The following RCOR3 variants were observed in gnomAD, a reference collection of about 807,000 sequenced individuals.
RCOR3 encodes the protein REST corepressor 3.
RCOR3 carries 13 observed loss-of-function variants against 64.1 expected under a neutral mutation model. The observed-to-expected ratio is 0.20, with a 90% confidence interval of 0.13 to 0.32. RCOR3 has a LOEUF of 0.32. Among genes scored for constraint, RCOR3 ranks in the 10% least tolerant of loss-of-function variants. RCOR3 has a pLI of 1.00. For synonymous variants in RCOR3, 215 were observed against 239.0 expected (o/e 0.90, Z 0.93); for missense variants, 489 against 701.2 (o/e 0.70, Z 3.42).
chr1:211,259,817 C>T (rs1435604833), intron 1 of RCOR3, 91 bp downstream of exon 1: 11 of 1,222,120 alleles, frequency 9.0e-6, no homozygotes, highest in Non-Finnish European at 1.2e-5. Flanking sequence ...CTCCCGCCCT[C>T]CCTCCCCTCA....
intron 2 of RCOR3, among the ~76,000 whole-genome samples, chr1:211,263,428 AATTT>A (rs149630167): frequency 0.44 from 43,643 of 98,902 alleles, 7,965 homozygotes; most frequent in East Asian, 0.69. Flanking sequence ...TCATATTTTC[AATTT>A]ATTTACTCAG....
intron 10 of RCOR3, among the ~76,000 whole-genome samples, chr1:211,308,493 T>A (rs1220019332): frequency 6.6e-6 from 1 of 152,092 alleles, no homozygotes; most frequent in East Asian, 1.9e-4. Context: ...AGTTTCTAGA[T>A]GTTATTGTAT....
chr1:211,280,183 C>CCTA (rs1283693520), intron 7 of RCOR3, among the ~76,000 whole-genome samples: 1 of 152,180 alleles, frequency 6.6e-6, no homozygotes, highest in Non-Finnish European at 1.5e-5. Context: ...TTCTTCCCTT[C>CCTA]CTACACATTG....
intron 3 of RCOR3, among the ~76,000 whole-genome samples, chr1:211,272,796 T>C (rs1357438649): frequency 1.3e-5 from 2 of 150,906 alleles, no homozygotes; most frequent in Non-Finnish European, 3.0e-5. Context: ...TAATTTTTTG[T>C]ATTTTTAGTA....
At chr1:211,308,667 T>TTTTTG (rs1701129478) in intron 10 of RCOR3, among the ~76,000 whole-genome samples, 2 of 25,456 alleles carry the variant, frequency 7.9e-5, no homozygotes, top group African/African-American at 1.8e-4. Flanking sequence ...ATGTGTTTTT[T>TTTTTG]TTTTTGTTTT....
intron 2 of RCOR3, among the ~76,000 whole-genome samples, chr1:211,268,369 CTTTTTTTTTTTTTT>C (rs756643084): frequency 3.8e-5 from 3 of 79,360 alleles, no homozygotes; most frequent in Admixed American, 1.6e-4. Flanking sequence ...TCTTTTCTTT[CTTTTTTTTTTTTTT>C]TTTTTTTTTT....
chr1:211,308,687 T>TTTTTTTTTTTTTTTTTTTTG (rs1701159946), intron 10 of RCOR3, among the ~76,000 whole-genome samples: 1 of 64,804 alleles, frequency 1.5e-5, no homozygotes, highest in African/African-American at 5.1e-5. Flanking sequence ...TTTTTTTGTT[T>TTTTTTTTTTTTTTTTTTTTG]TTTTTTTTTT....
At chr1:211,270,262 T>C (rs536685859) in intron 2 of RCOR3, among the ~76,000 whole-genome samples, 74 of 152,082 alleles carry the variant, frequency 4.9e-4, no homozygotes, top group African/African-American at 1.6e-3. Context: ...GGGATTTCAC[T>C]ATGTAGGCCA....
chr1:211,259,541 T>C lies in RCOR3; in HGVS notation c.-20T>C, dbSNP rs1693794954. The C allele has an allele frequency of 2.6e-6, 4 of 1,539,710 alleles. No individual in the cohort carries two copies. In the African/African-American group the frequency reaches 5.6e-5, roughly 22 times the overall value. ...GACGCCTGCCTCTTCCCCTCACCTTTCCCCCTCCCCTGTTCTACCATGCCC... is the reference window on the plus strand; with the variant it reads ...GACGCCTGCCTCTTCCCCTCACCTTCCCCCCTCCCCTGTTCTACCATGCCC... On this transcript the variant is annotated 5_prime_UTR_variant, in exon 1 of 12. Transcript: ENST00000419091.
chr1:211,308,684 G>GTTTTTTTTTTTTTTTTT (rs71585833), intron 10 of RCOR3, among the ~76,000 whole-genome samples: 2 of 42,034 alleles, frequency 4.8e-5, no homozygotes, highest in African/African-American at 7.8e-5. Context: ...TTTTTTTTTT[G>GTTTTTTTTTTTTTTTTT]TTTTTTTTTT....
intron 9 of RCOR3, among the ~76,000 whole-genome samples, chr1:211,300,258 C>T (rs367826584): frequency 5.3e-5 from 8 of 151,644 alleles, no homozygotes; most frequent in Non-Finnish European, 7.4e-5. Flanking sequence ...TTAGTAGAGA[C>T]GGGATCTTGC....
rs377042693 is a variant in RCOR3, at chr1:211,313,536, G to A, written c.1430G>A (p.Arg477His). The change falls in exon 12 of 12, where the codon CGT becomes CAT. Residue 477 changes from arginine to histidine, a missense_variant. Around this residue, in one of 2 missense-constraint regions of RCOR3, gnomAD observed 402 missense variants for 617.0 expected, o/e 0.65. Coordinates refer to ENST00000419091, the MANE Select transcript of RCOR3 (RefSeq NM_001136223.3). The surrounding 1 kb of genome is among the most constrained non-coding windows in gnomAD (Gnocchi z 4.7). Reference sequence around the variant, plus strand: ...CTGAACCAGCCTCCACCACTTCTTCGTCCAACACTGCCTGCTGCCCCGGCT... The same window carrying A: ...CTGAACCAGCCTCCACCACTTCTTCATCCAACACTGCCTGCTGCCCCGGCT... ...ATLNQPPPLL[R>H]PTLPAAPALH... 6 of 1,613,670 alleles carry A rather than the reference G, an allele frequency of 3.7e-6. No homozygotes were observed. Among genetic ancestry groups the A allele is most frequent in the Non-Finnish European group, 5.1e-6 (6 of 1,179,982 alleles).
At chr1:211,260,237 T>C (rs1242804810) in intron 2 of RCOR3, 73 bp downstream of exon 2, 2 of 1,349,014 alleles carry the variant, frequency 1.5e-6, no homozygotes, top group African/African-American at 1.4e-5. Context: ...GGGCTAGGAG[T>C]CCGGGCATGG....
chr1:211,292,063 G>C (rs1254752930), intron 8 of RCOR3, among the ~76,000 whole-genome samples: 4 of 152,094 alleles, frequency 2.6e-5, no homozygotes, highest in South Asian at 2.1e-4. Flanking sequence ...AGGAGTTCAA[G>C]GTTTACAGTA....
chr1:211,274,948 A>G (rs1696748567), intron 4 of RCOR3, among the ~76,000 whole-genome samples: 4 of 151,674 alleles, frequency 2.6e-5, no homozygotes, highest in Admixed American at 2.0e-4. Flanking sequence ...TGAATTTAGT[A>G]AGTATAACAT....
rs1206437953 is a variant in RCOR3, at chr1:211,295,608, T to G, written c.940-68T>G. The G allele has an allele frequency of 6.2e-6, 8 of 1,280,626 alleles. No homozygotes were observed. The East Asian group carries it at 1.9e-4, about 30-fold the overall frequency. 79.3% of individuals were successfully genotyped at this position (1,280,626 alleles called of 1,614,324 possible). A position where few individuals can be genotyped will look rare whatever the true frequency, so the allele number is the denominator to read the frequency against. The stretch of plus-strand genomic sequence containing the variant: ...GGGGTTTGGAATATATTCTTTTCAC[T>G]TAATTGAGTACTCACAAATTTACCT... On this transcript the variant is annotated intron_variant, in intron 8 of 11. Transcript: ENST00000419091.
chr1:211,298,528 C>G (rs957148076), intron 9 of RCOR3, among the ~76,000 whole-genome samples: 1 of 152,102 alleles, frequency 6.6e-6, no homozygotes, highest in Non-Finnish European at 1.5e-5. Context: ...TAATTAATAG[C>G]TATTGAGGAT....
intron 10 of RCOR3, among the ~76,000 whole-genome samples, chr1:211,305,027 T>C (rs1316453067): frequency 1.3e-5 from 2 of 152,264 alleles, no homozygotes; most frequent in African/African-American, 4.8e-5. Context: ...CAATGAAACA[T>C]ATAAGCATAC....
chr1:211,311,837 C>G (rs1368438822), intron 10 of RCOR3, among the ~76,000 whole-genome samples: 1 of 152,116 alleles, frequency 6.6e-6, no homozygotes, highest in Non-Finnish European at 1.5e-5. Context: ...AAATTATTAT[C>G]TATTTAAAAT....
Sources: allele counts gnomAD v4.1 joint callset (sites outside exome capture counted in the v4.1 genomes callset), GRCh38; gene constraint gnomAD v4.1.1; regional missense constraint gnomAD v4.1.1; non-coding constraint Gnocchi (gnomAD v3.1); transcripts MANE v1.5; gene names NCBI Gene and HGNC (gene_info 2026-07-23, HGNC 2026-07-21).